Variants in METTL24 observed in about 807,000 individuals in gnomAD.
METTL24 encodes methyltransferase like 24.
In METTL24, 29 loss-of-function variants were observed where a neutral mutation model predicts 32.7. The ratio of observed to expected loss-of-function variants is 0.89; its 90% CI spans 0.66 to 1.21. METTL24 has a LOEUF of 1.21. METTL24 is among the 50% of genes most tolerant of loss of function. The pLI is 0.00. For synonymous variants in METTL24, 163 were observed against 179.5 expected (o/e 0.91, Z 0.73); for missense variants, 439 against 468.1 (o/e 0.94, Z 0.57).
chr6:110,335,853 T>C lies in METTL24; in HGVS notation c.319-12981A>G, dbSNP rs547997244. Among the ~76,000 whole-genome samples the C allele has an allele frequency of 2.6e-5, 4 of 152,306 alleles. No homozygotes were observed. In the South Asian group the frequency reaches 6.2e-4, roughly 24 times the overall value. On this transcript the variant is annotated intron_variant, in intron 1 of 4. Coordinates refer to ENST00000338882, the MANE Select transcript of METTL24 (RefSeq NM_001123364.3). ...TCACCCAGGTAGGAGGTGACAGTGATGGATTCTGGCCCAGGCCTCTAGGCT... is the reference window on the plus strand; with the variant it reads ...TCACCCAGGTAGGAGGTGACAGTGACGGATTCTGGCCCAGGCCTCTAGGCT...
At chr6:110,305,485 A>G (rs9487365) in intron 3 of METTL24, among the ~76,000 whole-genome samples, 29,452 of 142,934 alleles carry the variant, frequency 0.21, 5,786 homozygotes, top group African/African-American at 0.51. Flanking sequence ...TTACAAGAAA[A>G]AAACAAACAA....
At chr6:110,304,583 G>A (rs918918582) in intron 3 of METTL24, among the ~76,000 whole-genome samples, 2 of 152,180 alleles carry the variant, frequency 1.3e-5, no homozygotes, top group Admixed American at 6.5e-5. Context: ...ATTGAAGATC[G>A]ACTTAATGAA....
At chr6:110,252,615 C>T (rs1017989081) in intron 4 of METTL24, among the ~76,000 whole-genome samples, 1 of 152,228 alleles carries the variant, frequency 6.6e-6, no homozygotes, top group Admixed American at 6.5e-5. Context: ...TTTTACAATA[C>T]ATCCTTTTAC....
chr6:110,256,141 C>T (rs747099650), intron 4 of METTL24, among the ~76,000 whole-genome samples: 5 of 152,024 alleles, frequency 3.3e-5, no homozygotes, highest in East Asian at 1.9e-4. Context: ...TAAGAAGTCT[C>T]GGGATGTGTG....
chr6:110,339,860 G>C (rs1200769410), intron 1 of METTL24, among the ~76,000 whole-genome samples: 1 of 152,160 alleles, frequency 6.6e-6, no homozygotes, highest in African/African-American at 2.4e-5. Flanking sequence ...TAGAGACAGT[G>C]CCATGTTATT....
At chr6:110,290,161 C>G (rs997462255) in intron 4 of METTL24, among the ~76,000 whole-genome samples, 1 of 108,286 alleles carries the variant, frequency 9.2e-6, no homozygotes, top group Admixed American at 8.0e-5. Flanking sequence ...AGAGATCCAC[C>G]CCCCCTCAGC....
chr6:110,264,307 G>C (rs1434673592), intron 4 of METTL24, among the ~76,000 whole-genome samples: 1 of 152,024 alleles, frequency 6.6e-6, no homozygotes, highest in Non-Finnish European at 1.5e-5. Flanking sequence ...AACAAGTGGG[G>C]AAAGGATATG....
rs1203680077 is a variant in METTL24 at position 110,244,350 on chromosome 6, G to T, written c.*1596C>A. ...GGGGAATTAAGGCTGAGTATAAAAA[G>T]CATCTTGAGTTGAAGCTCTTTTTTT... On this transcript the variant is annotated 3_prime_UTR_variant, in exon 5 of 5. Coordinates refer to ENST00000338882, the MANE Select transcript of METTL24 (RefSeq NM_001123364.3). Among the ~76,000 whole-genome samples, 1 of 152,030 alleles carries T rather than the reference G, an allele frequency of 6.6e-6. No individual in the cohort carries two copies. The highest frequency in any genetic ancestry group is 1.5e-5 in the Non-Finnish European group (1 of 67,976).
At position 110,342,600 on chromosome 6, in the gene METTL24, C is replaced by G. The variant is rs1884124; in HGVS notation, c.318+15355G>C. Among the ~76,000 whole-genome samples the G allele has an allele frequency of 6.5e-3, 985 of 152,278 alleles. 14 individuals are homozygous for G. The highest frequency in any genetic ancestry group is 0.022 in the African/African-American group (902 of 41,556). ...TTACTATTTTAAATTTACCATTTCACTGTGGCTTTTAGTATATATACAGCT... is the reference window on the plus strand; with the variant it reads ...TTACTATTTTAAATTTACCATTTCAGTGTGGCTTTTAGTATATATACAGCT... On this transcript the variant is annotated intron_variant, in intron 1 of 4. Transcript: ENST00000338882.
At chr6:110,301,933 G>A (rs1771522601) in intron 3 of METTL24, among the ~76,000 whole-genome samples, 1 of 152,130 alleles carries the variant, frequency 6.6e-6, no homozygotes, top group Admixed American at 6.5e-5. Context: ...GAACAAAGCA[G>A]TGTTATTTTA....
At chr6:110,338,942 A>C (rs935848462) in intron 1 of METTL24, among the ~76,000 whole-genome samples, 8 of 152,218 alleles carry the variant, frequency 5.3e-5, no homozygotes, top group African/African-American at 1.9e-4. Context: ...AGATGAAAAC[A>C]GTGTTTGTCA....
intron 3 of METTL24, among the ~76,000 whole-genome samples, chr6:110,314,658 G>A (rs903860912): frequency 2.6e-5 from 4 of 152,080 alleles, no homozygotes; most frequent in African/African-American, 9.7e-5. Context: ...CATCATAACT[G>A]TACATAAAAT....
chr6:110,307,547 AG>A (rs1385587208), intron 3 of METTL24, among the ~76,000 whole-genome samples: 1 of 152,200 alleles, frequency 6.6e-6, no homozygotes, highest in Non-Finnish European at 1.5e-5. Context: ...GAAAGGTAAA[AG>A]GGGAAGTGAT....
chr6:110,352,105 AC>A (rs1222826399), intron 1 of METTL24, among the ~76,000 whole-genome samples: 4 of 152,040 alleles, frequency 2.6e-5, no homozygotes, highest in African/African-American at 9.7e-5. Context: ...CTACGATCTT[AC>A]CCTCCCCAGT....
At chr6:110,350,453 G>T (rs1385901714) in intron 1 of METTL24, among the ~76,000 whole-genome samples, 1 of 151,970 alleles carries the variant, frequency 6.6e-6, no homozygotes, top group Non-Finnish European at 1.5e-5. Context: ...CTAGCCAGTT[G>T]CAAGGGGGGC....
intron 3 of METTL24, among the ~76,000 whole-genome samples, chr6:110,304,838 G>A (rs796366734): frequency 3.9e-5 from 6 of 152,142 alleles, no homozygotes; most frequent in South Asian, 2.1e-4. Flanking sequence ...GAAGAGCAAC[G>A]CCAAGACACA....
At chr6:110,342,959 G>A (rs1030863052) in intron 1 of METTL24, among the ~76,000 whole-genome samples, 1 of 152,194 alleles carries the variant, frequency 6.6e-6, no homozygotes, top group Non-Finnish European at 1.5e-5. Context: ...TCAGCTGATA[G>A]ACATTTGGAT....
intron 4 of METTL24, among the ~76,000 whole-genome samples, chr6:110,271,707 C>T (rs1485859008): frequency 6.6e-6 from 1 of 152,088 alleles, no homozygotes; most frequent in African/African-American, 2.4e-5. Context: ...GGGGTGATTT[C>T]CAAACCCACA....
In METTL24 at chr6:110,244,019, A is replaced by C. The variant is rs1778099089; in HGVS notation, c.*1927T>G. Among the ~76,000 whole-genome samples the C allele has an allele frequency of 6.6e-6, 1 of 152,202 alleles. No homozygotes were observed. The highest frequency in any genetic ancestry group is 6.5e-5 in the Admixed American group (1 of 15,282). On this transcript the variant is annotated 3_prime_UTR_variant, in exon 5 of 5. Coordinates refer to ENST00000338882, the MANE Select transcript of METTL24 (RefSeq NM_001123364.3). ...AATCCTGTAAATAGTAATGAGAGAGAGCATTTGAACCGCTGAGAACCTAAA... is the reference window on the plus strand; with the variant it reads ...AATCCTGTAAATAGTAATGAGAGAGCGCATTTGAACCGCTGAGAACCTAAA...
Sources: allele counts gnomAD v4.1 joint callset (sites outside exome capture counted in the v4.1 genomes callset), GRCh38; gene constraint gnomAD v4.1.1; transcripts MANE v1.5; gene names NCBI Gene and HGNC (gene_info 2026-07-23, HGNC 2026-07-21).